The following CCM2 variants were observed in gnomAD, a reference collection of about 807,000 sequenced individuals.
CCM2 encodes CCM2 scaffold protein.
Under a neutral mutation model 44.9 loss-of-function variants are expected in CCM2, and 25 were observed. That is an observed-to-expected ratio of 0.56 (90% CI 0.41 to 0.78). CCM2 has a LOEUF of 0.78. Ranked by LOEUF, CCM2 falls within the 30% of genes least tolerant of loss-of-function variation. CCM2 has a pLI of 0.00. For synonymous variants in CCM2, 219 were observed against 241.1 expected (o/e 0.91, Z 0.85); for missense variants, 481 against 580.6 (o/e 0.83, Z 1.76).
intron 2 of CCM2, among the ~76,000 whole-genome samples, chr7:45,044,265 C>A (rs1797650376): frequency 6.6e-6 from 1 of 152,216 alleles, no homozygotes; most frequent in South Asian, 2.1e-4. Context: ...TCCCGAGTGG[C>A]TGGGACTGCA....
chr7:45,054,446 A>G (rs147805005), intron 2 of CCM2, among the ~76,000 whole-genome samples: 1 of 152,192 alleles, frequency 6.6e-6, no homozygotes, highest in Non-Finnish European at 1.5e-5. Flanking sequence ...ATCAAGGCCA[A>G]TAAAGAGAAG....
At chr7:45,072,810 C>A in intron 7 of CCM2, 27 bp downstream of exon 7, 1 of 1,582,856 alleles carries the variant, frequency 6.3e-7, no homozygotes, top group Non-Finnish European at 8.7e-7. Context: ...CCAAGCCCTG[C>A]GGTGGGACAC....
rs936703706 is a variant in CCM2, at chr7:45,073,980, A to G, written c.916-290A>G. 7.1e-6 allele frequency: 4 copies of G among 567,160 alleles called. No individual in the cohort carries two copies. In the African/African-American group the frequency reaches 7.5e-5, roughly 11 times the overall value. The allele number at this position is 567,160 out of a possible 1,614,324, so 35.1% of individuals were successfully genotyped here. ...AGGGCACAGGCATTGGCCCCGGGCCAGGTTGCCAACTTCCACCCTGCCCTG... is the reference window on the plus strand; with the variant it reads ...AGGGCACAGGCATTGGCCCCGGGCCGGGTTGCCAACTTCCACCCTGCCCTG... On this transcript the variant is annotated intron_variant, in intron 8 of 9. Coordinates refer to ENST00000258781, the MANE Select transcript of CCM2 (RefSeq NM_031443.4).
At chr7:45,043,709 C>T (rs775116008) in intron 2 of CCM2, 1 of 396,868 alleles carries the variant, frequency 2.5e-6, no homozygotes, top group South Asian at 1.8e-5. Context: ...CCTTCTAGGG[C>T]TCCCATTAAT....
At chr7:45,000,461 G>GGT in intron 1 of CCM2, 98 bp downstream of exon 1, 1 of 287,840 alleles carries the variant, frequency 3.5e-6, no homozygotes, top group Non-Finnish European at 5.8e-6. Flanking sequence ...GCCCGGGGGG[G>GGT]GGGGCAGTGG....
At chr7:45,052,825 C>T (rs181259663) in intron 2 of CCM2, among the ~76,000 whole-genome samples, 224 of 152,298 alleles carry the variant, frequency 1.5e-3, no homozygotes, top group African/African-American at 5.1e-3. Context: ...GCTTTTCCCA[C>T]TGGGAAATGA....
At chr7:45,046,747 A>G (rs2128736133) in intron 2 of CCM2, among the ~76,000 whole-genome samples, 1 of 152,386 alleles carries the variant, frequency 6.6e-6, no homozygotes, top group African/African-American at 2.4e-5. Context: ...GGACTTCATC[A>G]AAATTTAAAA....
intron 1 of CCM2, among the ~76,000 whole-genome samples, chr7:45,015,203 T>C (rs567683325): frequency 6.6e-6 from 1 of 152,352 alleles, no homozygotes; most frequent in Admixed American, 6.5e-5. Context: ...CTGATACCTC[T>C]AATTCCAGTC....
intron 2 of CCM2, among the ~76,000 whole-genome samples, chr7:45,045,673 C>T (rs1215458428): frequency 6.6e-6 from 1 of 152,142 alleles, no homozygotes; most frequent in Non-Finnish European, 1.5e-5. Flanking sequence ...TGCCTGTAGT[C>T]CCAGCTACTC....
intron 1 of CCM2, among the ~76,000 whole-genome samples, chr7:45,021,915 CT>C (rs1246879974): frequency 6.6e-6 from 1 of 152,026 alleles, no homozygotes; most frequent in Non-Finnish European, 1.5e-5. Flanking sequence ...AGGTAGCAAC[CT>C]TTTTTTCATG....
At chr7:45,069,515 G>A (rs1453766205) in intron 5 of CCM2, among the ~76,000 whole-genome samples, 4 of 152,246 alleles carry the variant, frequency 2.6e-5, no homozygotes, top group African/African-American at 9.6e-5. Context: ...GGTTGTGAGG[G>A]TGTTGATAGG....
intron 1 of CCM2, among the ~76,000 whole-genome samples, chr7:45,010,416 C>T (rs1394558649): frequency 6.6e-6 from 1 of 152,132 alleles, no homozygotes; most frequent in Non-Finnish European, 1.5e-5. Context: ...GAACTTCATA[C>T]AGATGGATTC....
intron 8 of CCM2, 59 bp from the exon 9 acceptor site, chr7:45,074,211 C>G (rs1267295943): frequency 1.2e-6 from 2 of 1,610,514 alleles, no homozygotes; most frequent in Admixed American, 3.3e-5. Flanking sequence ...CAAGGTGGGC[C>G]CGACTGCCGA....
intron 4 of CCM2, among the ~76,000 whole-genome samples, chr7:45,067,127 C>A (rs1798818203): frequency 6.6e-6 from 1 of 151,730 alleles, no homozygotes; most frequent in African/African-American, 2.4e-5. Flanking sequence ...ATCTTGATCT[C>A]CTGACCTTGT....
intron 2 of CCM2, among the ~76,000 whole-genome samples, chr7:45,058,076 G>A (rs1183893462): frequency 6.6e-6 from 1 of 152,212 alleles, no homozygotes; most frequent in South Asian, 2.1e-4. Flanking sequence ...CCGTGTTTAC[G>A]TTGCTTGGAT....
chr7:45,071,522 TTCTC>T, intron 6 of CCM2: 1 of 289,468 alleles, frequency 3.5e-6, no homozygotes. Flanking sequence ...GCTTGCTGTG[TTCTC>T]TCTACTACAG....
chr7:45,025,590 A>G (rs1046974815), intron 1 of CCM2, among the ~76,000 whole-genome samples: 8 of 145,834 alleles, frequency 5.5e-5, no homozygotes, highest in African/African-American at 1.8e-4. Flanking sequence ...CTGGAGTGCA[A>G]TGGCGTGATC....
chr7:45,072,907 C>A (rs1799150079), intron 7 of CCM2, 124 bp downstream of exon 7: 2 of 803,642 alleles, frequency 2.5e-6, no homozygotes, highest in Non-Finnish European at 2.1e-6. Context: ...ATCCCCAGAC[C>A]CACTGTACCC....
intron 1 of CCM2, among the ~76,000 whole-genome samples, chr7:45,021,735 CAGGG>C (rs1371456640): frequency 6.6e-6 from 1 of 150,712 alleles, no homozygotes; most frequent in African/African-American, 2.4e-5. Context: ...GAAGATGAGA[CAGGG>C]AGGAGGAGGA....
Sources: allele counts gnomAD v4.1 joint callset (sites outside exome capture counted in the v4.1 genomes callset), GRCh38; gene constraint gnomAD v4.1.1; transcripts MANE v1.5; gene names NCBI Gene and HGNC (gene_info 2026-07-23, HGNC 2026-07-21).